Variants in PLAAT5 observed in about 807,000 individuals in gnomAD.
PLAAT5 encodes Ca(2+)-independent N-acyltransferase.
A neutral mutation model predicts 27.8 loss-of-function variants in PLAAT5; 27 were observed. That is an observed-to-expected ratio of 0.97 (90% CI 0.72 to 1.34). The LOEUF (loss-of-function observed/expected upper bound fraction) is 1.34, where lower values mean the gene tolerates loss of function less well. PLAAT5 is among the 40% of genes most tolerant of loss of function. The pLI is 0.00. For synonymous variants in PLAAT5, 125 were observed against 136.1 expected, an observed-to-expected ratio of 0.92 and a Z score of 0.57; for missense variants, 368 against 343.8, an observed-to-expected ratio of 1.07 and a Z score of -0.56.
At chr11:63,486,859 A>G (rs2016447874) in intron 3 of PLAAT5, among the ~76,000 whole-genome samples, 1 of 152,200 alleles carries the variant, frequency 6.6e-6, no homozygotes, top group South Asian at 2.1e-4. Flanking sequence ...AAAAAACAAA[A>G]CTATAAAATA....
At chr11:63,472,679 T>C (rs1467498192) in intron 3 of PLAAT5, among the ~76,000 whole-genome samples, 2 of 152,218 alleles carry the variant, frequency 1.3e-5, no homozygotes, top group Non-Finnish European at 2.9e-5. Flanking sequence ...CCTAAGTATT[T>C]TTATGCTATG....
intron 2 of PLAAT5, 134 bp downstream of exon 2, chr11:63,490,109 C>CT (rs2016524947): frequency 8.6e-7 from 1 of 1,166,316 alleles, no homozygotes; most frequent in East Asian, 2.4e-5. Context: ...TCACACCAGC[C>CT]TTCCCCTTGC....
chr11:63,481,452 AAT>A (rs1469766271), intron 3 of PLAAT5, among the ~76,000 whole-genome samples: 1 of 152,160 alleles, frequency 6.6e-6, no homozygotes, highest in Admixed American at 6.5e-5. Flanking sequence ...AAATAATAAT[AAT>A]AATAATAATC....
intron 3 of PLAAT5, among the ~76,000 whole-genome samples, chr11:63,486,547 A>G (rs912422350): frequency 6.6e-6 from 1 of 152,204 alleles, no homozygotes; most frequent in African/African-American, 2.4e-5. Flanking sequence ...TTCTAAGTGA[A>G]GTAACTCAGG....
chr11:63,482,102 C>G (rs2016301873), intron 3 of PLAAT5, among the ~76,000 whole-genome samples: 1 of 152,014 alleles, frequency 6.6e-6, no homozygotes, highest in South Asian at 2.1e-4. Context: ...ACAAAGCCTC[C>G]TAGAAATTTG....
At chr11:63,470,539 A>G (rs2015995656) in intron 3 of PLAAT5, 1 of 154,762 alleles carries the variant, frequency 6.5e-6, no homozygotes, top group Non-Finnish European at 1.5e-5. Context: ...CACACCTCAT[A>G]CTTTTCTAAA....
chr11:63,483,829 A>ATATATATATATATATGTG (rs2016365862), intron 3 of PLAAT5, among the ~76,000 whole-genome samples: 1 of 118,352 alleles, frequency 8.4e-6, no homozygotes, highest in African/African-American at 3.0e-5. Context: ...ATATATATAT[A>ATATATATATATATATGTG]TATATATATA....
At chr11:63,486,341 T>C (rs552193292) in intron 3 of PLAAT5, among the ~76,000 whole-genome samples, 1 of 152,282 alleles carries the variant, frequency 6.6e-6, no homozygotes, top group East Asian at 1.9e-4. Context: ...TGCATGTTTA[T>C]AGCAGCACAA....
chr11:63,462,944 T>C lies in PLAAT5; in HGVS notation c.*559A>G, dbSNP rs1427214852. On this transcript the variant is annotated 3_prime_UTR_variant, in exon 6 of 6. Transcript: ENST00000540857. ...TATAATTTTAAAAAGAAAATATTTC[T>C]TGGGATATGTGTTTCTAGATTAAGG... 2 of 152,176 alleles carry C rather than the reference T, an allele frequency of 1.3e-5. No individual in the cohort carries two copies. The highest frequency in any genetic ancestry group is 4.8e-5 in the African/African-American group (2 of 41,432). 9.4% of individuals were successfully genotyped at this position (152,176 alleles called of 1,614,324 possible).
intron 3 of PLAAT5, among the ~76,000 whole-genome samples, chr11:63,478,505 T>C (rs990832838): frequency 6.6e-6 from 1 of 152,146 alleles, no homozygotes; most frequent in African/African-American, 2.4e-5. Flanking sequence ...GTATTTTTAG[T>C]AGAGACGGGG....
At chr11:63,471,647 G>A (rs1451258330) in intron 3 of PLAAT5, among the ~76,000 whole-genome samples, 2 of 152,172 alleles carry the variant, frequency 1.3e-5, no homozygotes, top group Admixed American at 1.3e-4. Flanking sequence ...CAAGAGGTAA[G>A]TGTTCAGAGT....
chr11:63,467,491 G>A (rs1266125628), intron 4 of PLAAT5, among the ~76,000 whole-genome samples: 1 of 152,114 alleles, frequency 6.6e-6, no homozygotes, highest in Non-Finnish European at 1.5e-5. Flanking sequence ...AGAGGAAGAG[G>A]ACAGGACACA....
At position 63,468,497 on chromosome 11, in the gene PLAAT5, A is replaced by G. The variant is rs200184563; in HGVS notation, c.346-32T>C. The stretch of plus-strand genomic sequence containing the variant: ...TGGAAAAATAAAAGATAAATGGCAC[A>G]TGCTCAAGGAACTCCAGAGACCTTG... On this transcript the variant is annotated intron_variant, in intron 3 of 5. Transcript: ENST00000540857. 1.6e-3 allele frequency: 2,455 copies of G among 1,506,788 alleles called. 3 individuals are homozygous for G. The highest frequency in any genetic ancestry group is 1.7e-3 in the Non-Finnish European group (1,870 of 1,084,224). 93.3% of individuals were successfully genotyped at this position (1,506,788 alleles called of 1,614,324 possible).
chr11:63,473,715 T>G (rs1360409301), intron 3 of PLAAT5, among the ~76,000 whole-genome samples: 2 of 150,984 alleles, frequency 1.3e-5, no homozygotes, highest in East Asian at 3.9e-4. Flanking sequence ...TGTTTTTTTT[T>G]TTTTTTTGGT....
intron 3 of PLAAT5, among the ~76,000 whole-genome samples, chr11:63,483,911 T>C (rs111881147): frequency 0.013 from 1,692 of 133,722 alleles, 32 homozygotes; most frequent in African/African-American, 0.041. Flanking sequence ...AGACCATTAA[T>C]GAGATTAACC....
rs966785596 is a variant in PLAAT5 at position 63,489,095 on chromosome 11, T to C, written c.240-119A>G. The C allele has an allele frequency of 5.0e-4, 299 of 597,120 alleles. 4 individuals carry two copies. The highest frequency in any genetic ancestry group is 6.7e-5 in the Non-Finnish European group (23 of 341,714). 37.0% of individuals were successfully genotyped at this position (597,120 alleles called of 1,614,324 possible). A position where few individuals can be genotyped will look rare whatever the true frequency, so the allele number is the denominator to read the frequency against. On this transcript the variant is annotated intron_variant, in intron 2 of 5. Coordinates refer to ENST00000540857, the MANE Select transcript of PLAAT5 (RefSeq NM_001146729.2). ...TTTGGTTTGGAGACTGTAGGGAACA[T>C]TTCCCCCCGTTTGTTTCTGTGAACC...
Position 63,490,332 on chromosome 11 carries a change from T to A in PLAAT5, c.150A>T (p.Glu50Asp). 1 of 1,614,168 alleles carries A rather than the reference T, an allele frequency of 6.2e-7. No homozygotes were observed. The highest frequency in any genetic ancestry group is 1.1e-5 in the South Asian group (1 of 91,080). Residue 50 changes from glutamate (E) to aspartate (D), a missense_variant and splice_region_variant, in exon 2 of 6, where the codon GAA becomes GAT. Coordinates refer to ENST00000540857, the MANE Select transcript of PLAAT5 (RefSeq NM_001146729.2). Reference protein sequence around the residue: ...ALRRSAVPHSEESVGFAALVQ... With the variant: ...ALRRSAVPHSDESVGFAALVQ... ...CCAACGCTGCGAATCCCACGGATTCTTCTAATTCAAGGGGGGAAATGCTAT... is the reference window on the plus strand; with the variant it reads ...CCAACGCTGCGAATCCCACGGATTCATCTAATTCAAGGGGGGAAATGCTAT...
chr11:63,489,685 G>A (rs942551175), intron 2 of PLAAT5, among the ~76,000 whole-genome samples: 1 of 152,204 alleles, frequency 6.6e-6, no homozygotes, highest in Non-Finnish European at 1.5e-5. Flanking sequence ...GTGTCTCACA[G>A]TGGTCAAGAA....
intron 4 of PLAAT5, among the ~76,000 whole-genome samples, chr11:63,466,959 T>C (rs2015882986): frequency 6.6e-6 from 1 of 152,086 alleles, no homozygotes; most frequent in South Asian, 2.1e-4. Context: ...TTCCACAGCT[T>C]TGAAAAAAGA....
Sources: gnomAD v4.1 joint callset for allele counts (sites outside exome capture counted in the v4.1 genomes callset) on GRCh38, gnomAD v4.1.1 for gene constraint, MANE v1.5 for transcripts, NCBI Gene and HGNC (gene_info 2026-07-23, HGNC 2026-07-21) for gene names.